DCDC2: variants seen among roughly 807,000 people sequenced by gnomAD.
DCDC2 encodes the protein doublecortin domain containing 2, also known as doublecortin domain-containing protein 2.
DCDC2 carries 40 observed loss-of-function variants against 50.2 expected under a neutral mutation model. The observed-to-expected ratio is 0.80, with a 90% CI of 0.62 to 1.04. The LOEUF is 1.04. DCDC2 is among the 50% of genes least tolerant of loss of function. The probability of loss-of-function intolerance (pLI) is 0.00; values close to 1 mark genes in which losing one functional copy is unlikely to be tolerated. For missense variants in DCDC2, 570 were observed against 581.9 expected, an observed-to-expected ratio of 0.98 and a Z score of 0.21; for synonymous variants, 234 against 210.6, an observed-to-expected ratio of 1.11 and a Z score of -0.96.
intron 4 of DCDC2, among the ~76,000 whole-genome samples, chr6:24,301,487 T>C (rs1759373653): frequency 6.6e-6 from 1 of 152,082 alleles, no homozygotes; most frequent in Admixed American, 6.6e-5. Context: ...TTAATATTTG[T>C]AGATGTGCTA....
intron 7 of DCDC2, among the ~76,000 whole-genome samples, chr6:24,246,401 A>G (rs1008171427): frequency 2.6e-5 from 4 of 151,446 alleles, no homozygotes; most frequent in African/African-American, 7.3e-5. Context: ...TTTAAATTGT[A>G]CGCCATCTTA....
At chr6:24,288,582 A>C (rs1260388267) in intron 6 of DCDC2, among the ~76,000 whole-genome samples, 2 of 152,240 alleles carry the variant, frequency 1.3e-5, no homozygotes, top group Non-Finnish European at 2.9e-5. Context: ...CTTACAGTTT[A>C]AAGTATTATT....
At chr6:24,226,059 T>A (rs1022660895) in intron 7 of DCDC2, among the ~76,000 whole-genome samples, 4 of 152,230 alleles carry the variant, frequency 2.6e-5, no homozygotes, top group Non-Finnish European at 5.9e-5. Flanking sequence ...ATATGTGTGA[T>A]CAGCATTATG....
Position 24,205,148 on chromosome 6 carries a change from T to C in DCDC2, c.923-46A>G, listed in dbSNP as rs148656816. ...TGAAAATCAAAATCCAATTGTGACA[T>C]CGTGTGGCTGAATGCTGGAATTACA... On this transcript the variant is annotated intron_variant, in intron 7 of 9. Transcript: ENST00000378454. 3.8e-5 allele frequency: 61 copies of C among 1,614,102 alleles called. No homozygotes were observed. The African/African-American group carries it at 6.5e-4, about 17-fold the overall frequency.
At chr6:24,245,312 A>G (rs964357851) in intron 7 of DCDC2, among the ~76,000 whole-genome samples, 9 of 152,296 alleles carry the variant, frequency 5.9e-5, no homozygotes, top group African/African-American at 2.2e-4. Flanking sequence ...CCACAAGTGG[A>G]GTGTTGGAAC....
At chr6:24,257,401 T>A (rs1428273678) in intron 7 of DCDC2, among the ~76,000 whole-genome samples, 2 of 151,290 alleles carry the variant, frequency 1.3e-5, no homozygotes, top group Non-Finnish European at 2.9e-5. Flanking sequence ...TCTCAAAGAG[T>A]TCACGCACCA....
chr6:24,297,808 C>T (rs1166045579), intron 4 of DCDC2, among the ~76,000 whole-genome samples: 1 of 151,966 alleles, frequency 6.6e-6, no homozygotes, highest in African/African-American at 2.4e-5. Context: ...AAGGAGAAAA[C>T]ATAGGAGAAT....
chr6:24,326,648 A>G (rs1759873725), intron 2 of DCDC2, among the ~76,000 whole-genome samples: 2 of 148,796 alleles, frequency 1.3e-5, no homozygotes. Context: ...CTTAAGTCCA[A>G]GAGTTCAAGA....
intron 4 of DCDC2, among the ~76,000 whole-genome samples, chr6:24,299,759 A>AT (rs897056772): frequency 1.3e-5 from 2 of 151,642 alleles, no homozygotes; most frequent in African/African-American, 4.8e-5. Context: ...ACGAAAAAAA[A>AT]TTTTTTTTAA....
chr6:24,196,638 T>A (rs1300402603), intron 8 of DCDC2, among the ~76,000 whole-genome samples: 1 of 152,162 alleles, frequency 6.6e-6, no homozygotes, highest in African/African-American at 2.4e-5. Context: ...GCCAGGCTGG[T>A]CTCGAACACT....
At chr6:24,178,200 G>T in intron 9 of DCDC2, 130 bp downstream of exon 9, 1 of 878,586 alleles carries the variant, frequency 1.1e-6, no homozygotes, top group Non-Finnish European at 1.8e-6. Context: ...AAATGGTATT[G>T]GATCTTTCCT....
intron 8 of DCDC2, among the ~76,000 whole-genome samples, chr6:24,189,238 C>G (rs968376567): frequency 6.6e-6 from 1 of 152,078 alleles, no homozygotes; most frequent in Non-Finnish European, 1.5e-5. Flanking sequence ...TGGCTACATC[C>G]TAGCAGGGAT....
At chr6:24,185,941 T>C (rs1413770479) in intron 8 of DCDC2, among the ~76,000 whole-genome samples, 1 of 152,196 alleles carries the variant, frequency 6.6e-6, no homozygotes, top group Non-Finnish European at 1.5e-5. Context: ...AACTCAGAGC[T>C]ATCACCAGCC....
intron 7 of DCDC2, among the ~76,000 whole-genome samples, chr6:24,234,283 T>C (rs1236590838): frequency 2.7e-5 from 4 of 150,462 alleles, no homozygotes; most frequent in Non-Finnish European, 5.9e-5. Context: ...CCATTGAATG[T>C]AGTGAGCGAT....
At chr6:24,373,016 A>G in the DCDC2 span, among the ~76,000 whole-genome samples, 13 of 152,394 alleles carry the variant, frequency 8.5e-5, no homozygotes, top group Admixed American at 7.8e-4. Context: ...TGTTCACTTC[A>G]TTAGAAATCA....
At chr6:24,257,851 A>C (rs910757219) in intron 7 of DCDC2, among the ~76,000 whole-genome samples, 2 of 152,298 alleles carry the variant, frequency 1.3e-5, no homozygotes, top group East Asian at 3.9e-4. Flanking sequence ...TCTGCATTAA[A>C]AATAAGGAGC....
intron 7 of DCDC2, among the ~76,000 whole-genome samples, chr6:24,211,422 A>G (rs1281795096): frequency 6.6e-6 from 1 of 152,180 alleles, no homozygotes; most frequent in East Asian, 1.9e-4. Flanking sequence ...CCCACCCCCA[A>G]GATGTCCACA....
chr6:24,186,745 T>C (rs1265107608), intron 8 of DCDC2, among the ~76,000 whole-genome samples: 3 of 152,210 alleles, frequency 2.0e-5, no homozygotes, highest in Non-Finnish European at 4.4e-5. Context: ...ATCCATCTGT[T>C]AAGCAGCATC....
chr6:24,261,565 A>G (rs1196368635), intron 7 of DCDC2, among the ~76,000 whole-genome samples: 2 of 152,132 alleles, frequency 1.3e-5, no homozygotes, highest in Non-Finnish European at 2.9e-5. Flanking sequence ...CCTGCATGGG[A>G]CAATTCTAAG....
Sources: allele counts gnomAD v4.1 joint callset (sites outside exome capture counted in the v4.1 genomes callset), GRCh38; gene constraint gnomAD v4.1.1; transcripts MANE v1.5; gene names NCBI Gene and HGNC (gene_info 2026-07-23, HGNC 2026-07-21).